The following GRID1 variants were observed in gnomAD, a reference collection of about 807,000 sequenced individuals.
GRID1 encodes glutamate receptor ionotropic, delta-1.
GRID1 carries 28 observed loss-of-function variants against 98.0 expected under a neutral mutation model. The observed-to-expected ratio is 0.29, with a 90% CI of 0.21 to 0.39. The LOEUF (loss-of-function observed/expected upper bound fraction) is 0.39. Among genes scored for constraint, GRID1 ranks in the 10% least tolerant of loss-of-function variants. The pLI, the probability that GRID1 is intolerant of heterozygous loss-of-function variation, is 1.00. For synonymous variants in GRID1, 553 were observed against 538.5 expected, an observed-to-expected ratio of 1.03 and a Z score of -0.37; for missense variants, 1,111 against 1,340.5, an observed-to-expected ratio of 0.83 and a Z score of 2.67.
chr10:85,907,528 G>C (rs1841479428), intron 5 of GRID1, among the ~76,000 whole-genome samples: 1 of 152,198 alleles, frequency 6.6e-6, no homozygotes, highest in Non-Finnish European at 1.5e-5. Context: ...AATTTAATTT[G>C]TAGTTAAAAC....
chr10:86,313,917 C>T (rs1298042677), intron 2 of GRID1, among the ~76,000 whole-genome samples: 1 of 152,198 alleles, frequency 6.6e-6, no homozygotes, highest in Non-Finnish European at 1.5e-5. Context: ...TTCTTGCAAA[C>T]AATTTTCCCC....
At chr10:85,806,094 T>C (rs577755774) in intron 8 of GRID1, among the ~76,000 whole-genome samples, 1 of 150,584 alleles carries the variant, frequency 6.6e-6, no homozygotes, top group East Asian at 1.9e-4. Context: ...ATCCAGAATA[T>C]TGAAGAAATT....
At chr10:86,337,698 C>CT (rs57891044) in intron 2 of GRID1, among the ~76,000 whole-genome samples, 21,668 of 73,324 alleles carry the variant, frequency 0.3, 6,433 homozygotes, top group East Asian at 0.47. Flanking sequence ...CCTTTGGGAA[C>CT]TTTTTTTTTT....
chr10:86,016,990 T>G (rs1394665801), intron 4 of GRID1, among the ~76,000 whole-genome samples: 1 of 152,220 alleles, frequency 6.6e-6, no homozygotes, highest in Non-Finnish European at 1.5e-5. Flanking sequence ...TGCTGTTGTG[T>G]GCCAATCATC....
intron 2 of GRID1, among the ~76,000 whole-genome samples, chr10:86,292,605 C>G (rs1255565129): frequency 6.6e-6 from 1 of 152,188 alleles, no homozygotes; most frequent in Non-Finnish European, 1.5e-5. Context: ...CTCCCTTCAC[C>G]CCTGCCTTCC....
In GRID1 at chr10:86,279,967, C is replaced by T. The variant is rs117961178; in HGVS notation, c.236-73319G>A. Among the ~76,000 whole-genome samples the T allele has an allele frequency of 4.3e-3, 662 of 152,246 alleles. 2 individuals carry two copies. Among genetic ancestry groups the T allele is most frequent in the East Asian group, 0.02 (104 of 5,186 alleles). Reference sequence around the variant, plus strand: ...GCCTCTAATCTCAGTGCTTTGGGAGCGACAGACAAGAGATCACTTGAGGCC... The same window carrying T: ...GCCTCTAATCTCAGTGCTTTGGGAGTGACAGACAAGAGATCACTTGAGGCC... On this transcript the variant is annotated intron_variant, in intron 2 of 15. Coordinates refer to ENST00000327946, the MANE Select transcript of GRID1 (RefSeq NM_017551.3).
At chr10:85,658,409 C>T (rs1193570391) in intron 12 of GRID1, among the ~76,000 whole-genome samples, 2 of 152,198 alleles carry the variant, frequency 1.3e-5, no homozygotes, top group Non-Finnish European at 2.9e-5. Flanking sequence ...TTCTACCCCC[C>T]TCATTTTACA....
intron 5 of GRID1, among the ~76,000 whole-genome samples, chr10:85,910,417 T>C (rs1841521140): frequency 6.6e-6 from 1 of 152,212 alleles, no homozygotes; most frequent in African/African-American, 2.4e-5. Context: ...TTGTTTTACC[T>C]TGGTGTGTGC....
chr10:85,995,616 G>T (rs1400097349), intron 4 of GRID1, among the ~76,000 whole-genome samples: 1 of 152,236 alleles, frequency 6.6e-6, no homozygotes, highest in Non-Finnish European at 1.5e-5. Flanking sequence ...GTAAACATGA[G>T]CAGGCAGATA....
intron 5 of GRID1, 81 bp from the exon 6 acceptor site, chr10:85,869,261 A>C: frequency 7.9e-7 from 1 of 1,272,056 alleles, no homozygotes; most frequent in South Asian, 1.2e-5. Flanking sequence ...CATCTAGGCC[A>C]GCAGCCTGAA....
intron 2 of GRID1, among the ~76,000 whole-genome samples, chr10:86,344,371 A>C (rs1848353421): frequency 6.6e-6 from 1 of 152,250 alleles, no homozygotes; most frequent in Non-Finnish European, 1.5e-5. Context: ...GAGGCAGAAG[A>C]GGGACTCAGC....
chr10:86,159,010 C>T (rs1845284033), intron 3 of GRID1, among the ~76,000 whole-genome samples: 1 of 152,176 alleles, frequency 6.6e-6, no homozygotes, highest in South Asian at 2.1e-4. Context: ...TCTCCTGCCT[C>T]AGCCTCCCGA....
chr10:86,149,183 C>A (rs906845992), intron 3 of GRID1, among the ~76,000 whole-genome samples: 1 of 152,210 alleles, frequency 6.6e-6, no homozygotes, highest in African/African-American at 2.4e-5. Flanking sequence ...TCTCTCCCTT[C>A]TGTGATAATG....
chr10:86,263,783 T>C (rs1000878701), intron 2 of GRID1, among the ~76,000 whole-genome samples: 5 of 152,204 alleles, frequency 3.3e-5, no homozygotes, highest in South Asian at 2.1e-4. Context: ...TCTAGGACAA[T>C]TGTTTATGTT....
intron 4 of GRID1, among the ~76,000 whole-genome samples, chr10:85,962,905 C>T (rs1842288581): frequency 6.6e-6 from 1 of 152,132 alleles, no homozygotes; most frequent in East Asian, 1.9e-4. Context: ...GGTTCCTATG[C>T]TTAAACCACT....
At chr10:85,688,970 T>C (rs935916207) in intron 12 of GRID1, among the ~76,000 whole-genome samples, 1 of 152,158 alleles carries the variant, frequency 6.6e-6, no homozygotes, top group African/African-American at 2.4e-5. Context: ...GGCTGATTAT[T>C]TTCAGGCAGC....
intron 3 of GRID1, among the ~76,000 whole-genome samples, chr10:86,194,459 C>G (rs921807513): frequency 5.9e-5 from 9 of 152,124 alleles, no homozygotes; most frequent in African/African-American, 2.2e-4. Flanking sequence ...GTCTGCAAAG[C>G]ACTGTATCTG....
intron 2 of GRID1, among the ~76,000 whole-genome samples, chr10:86,277,791 C>T (rs193260748): frequency 6.6e-5 from 10 of 151,772 alleles, no homozygotes; most frequent in African/African-American, 2.4e-4. Context: ...AAATGAGGGA[C>T]AAAAAAGTAA....
chr10:85,650,311 C>T (rs1293526551), intron 12 of GRID1: 3 of 152,198 alleles, frequency 2.0e-5, no homozygotes, highest in African/African-American at 7.2e-5. Context: ...GTTATCAGCA[C>T]ACTCAATTTA....
Sources: gnomAD v4.1 joint callset for allele counts (sites outside exome capture counted in the v4.1 genomes callset) on GRCh38, gnomAD v4.1.1 for gene constraint, MANE v1.5 for transcripts, NCBI Gene and HGNC (gene_info 2026-07-23, HGNC 2026-07-21) for gene names.